Variants in ARHGAP11A observed in about 807,000 individuals in gnomAD.
ARHGAP11A encodes the protein Rho GTPase activating protein 11A, also known as rho GTPase-activating protein 11A.
ARHGAP11A carries 36 observed loss-of-function variants against 60.5 expected under a neutral mutation model. That is an observed-to-expected ratio of 0.59 (90% CI 0.46 to 0.79). ARHGAP11A has a LOEUF of 0.79. Ranked by LOEUF, ARHGAP11A falls within the 30% of genes least tolerant of loss-of-function variation. The pLI is 0.00. For missense variants in ARHGAP11A, 1,071 were observed against 1,199.2 expected, an observed-to-expected ratio of 0.89 and a Z score of 1.58; for synonymous variants, 362 against 415.5, an observed-to-expected ratio of 0.87 and a Z score of 1.57.
In ARHGAP11A at chr15:32,615,832, T is replaced by C. The variant is rs2053124331; in HGVS notation, c.-380T>C. On this transcript the variant is annotated 5_prime_UTR_variant, in exon 1 of 12. Coordinates refer to ENST00000361627, the MANE Select transcript of ARHGAP11A (RefSeq NM_014783.6). Reference sequence around the variant, plus strand: ...CGAACCAGACGGGGACAGTAAGGTTTGGAGGAAGGGGGATCGTTGGAAGTA... The same window carrying C: ...CGAACCAGACGGGGACAGTAAGGTTCGGAGGAAGGGGGATCGTTGGAAGTA... 1 of 225,890 alleles carries C rather than the reference T, an allele frequency of 4.4e-6. No individual in the cohort carries two copies. Among genetic ancestry groups the C allele is most frequent in the African/African-American group, 2.3e-5 (1 of 44,182 alleles). The allele number at this position is 225,890 out of a possible 1,614,324, so 14.0% of individuals were successfully genotyped here. A position where few individuals can be genotyped will look rare whatever the true frequency, so the allele number is the denominator to read the frequency against.
chr15:32,628,130 A>T (rs2053508306), intron 6 of ARHGAP11A, among the ~76,000 whole-genome samples: 1 of 152,224 alleles, frequency 6.6e-6, no homozygotes, highest in South Asian at 2.1e-4. Flanking sequence ...TTTTAAATGT[A>T]TAACTCTACT....
At chr15:32,618,639 T>C (rs973879874) in intron 1 of ARHGAP11A, among the ~76,000 whole-genome samples, 2 of 152,088 alleles carry the variant, frequency 1.3e-5, no homozygotes, top group African/African-American at 4.8e-5. Flanking sequence ...AGTTAAGATG[T>C]AAAGCCTGGC....
intron 2 of ARHGAP11A, among the ~76,000 whole-genome samples, chr15:32,621,494 T>C (rs2053305200): frequency 6.6e-6 from 1 of 152,246 alleles, no homozygotes; most frequent in Non-Finnish European, 1.5e-5. Flanking sequence ...TGGCCTATTC[T>C]AACTGCATCA....
chr15:32,627,455 C>T (rs187988475), intron 6 of ARHGAP11A, among the ~76,000 whole-genome samples: 1,514 of 150,780 alleles, frequency 0.01, 14 homozygotes, highest in Middle Eastern at 0.017. Context: ...CTTGGCCGGG[C>T]GCGATGGCTC....
chr15:32,617,442 CT>C (rs2053179574), intron 1 of ARHGAP11A, among the ~76,000 whole-genome samples: 3 of 142,436 alleles, frequency 2.1e-5, no homozygotes, highest in Admixed American at 1.4e-4. Context: ...TGTATATGGA[CT>C]TTTTTTCACC....
intron 9 of ARHGAP11A, among the ~76,000 whole-genome samples, chr15:32,633,729 C>A (rs76055181): frequency 6.6e-6 from 1 of 152,306 alleles, no homozygotes; most frequent in Non-Finnish European, 1.5e-5. Flanking sequence ...GACTGACTAA[C>A]TTTTAAGATT....
chr15:32,616,862 G>A (rs1446033498), intron 1 of ARHGAP11A, among the ~76,000 whole-genome samples: 1 of 152,200 alleles, frequency 6.6e-6, no homozygotes, highest in African/African-American at 2.4e-5. Context: ...GAAGAAGTAT[G>A]ACAGAACATT....
At position 32,633,084 on chromosome 15, in the gene ARHGAP11A, G is replaced by T. The variant is rs777326303; in HGVS notation, c.1211G>T (p.Arg404Ile). 9 of 1,613,868 alleles carry T rather than the reference G, an allele frequency of 5.6e-6. No homozygotes were observed. The highest frequency in any genetic ancestry group is 7.6e-6 in the Non-Finnish European group (9 of 1,179,948). Residue 404 changes from arginine to isoleucine, a missense_variant, in exon 9 of 12, where the codon AGA (arginine) becomes ATA (isoleucine). This residue lies in a region of ARHGAP11A where 776 missense variants were observed against 760.2 expected (regional missense o/e 1.02). Transcript: ENST00000361627. Reference sequence around the variant, plus strand: ...GCAGGTGTGCCAAGGCGAAGTAAAAGAATTGCAGGCAAAAAAGTTTGCAGG... The same window carrying T: ...GCAGGTGTGCCAAGGCGAAGTAAAATAATTGCAGGCAAAAAAGTTTGCAGG... ...ITAGVPRRSK[R>I]IAGKKVCRVE...
intron 8 of ARHGAP11A, among the ~76,000 whole-genome samples, chr15:32,629,975 T>TGTGTGTG (rs59288058): frequency 1.9e-4 from 24 of 128,950 alleles, no homozygotes; most frequent in East Asian, 4.3e-4. Context: ...TGTGTGTGTG[T>TGTGTGTG]TATGACAACA....
rs535517859 is a variant in ARHGAP11A at position 32,635,983 on chromosome 15, A to C, written c.1483+68A>C. The stretch of plus-strand genomic sequence containing the variant: ...GCTTTAGTTGCTTTTTTAATGGCAA[A>C]ACATATTAATTAATTTACTGTTCTA... On this transcript the variant is annotated intron_variant, in intron 11 of 11. Coordinates refer to ENST00000361627, the MANE Select transcript of ARHGAP11A (RefSeq NM_014783.6). 2.3e-5 allele frequency: 35 copies of C among 1,503,126 alleles called. 1 individual carries two copies. Among genetic ancestry groups the C allele is most frequent in the Non-Finnish European group, 3.0e-5 (34 of 1,126,972 alleles). The allele number at this position is 1,503,126 out of a possible 1,614,324, so 93.1% of individuals were successfully genotyped here.
intron 3 of ARHGAP11A, 134 bp from the exon 4 acceptor site, chr15:32,624,039 T>C: frequency 1.6e-6 from 1 of 610,518 alleles, no homozygotes; most frequent in Admixed American, 3.0e-5. Flanking sequence ...AAAAATAAAG[T>C]AGTGACATAT....
At chr15:32,628,170 A>C (rs1322313289) in intron 6 of ARHGAP11A, among the ~76,000 whole-genome samples, 5 of 152,290 alleles carry the variant, frequency 3.3e-5, no homozygotes, top group Admixed American at 6.5e-5. Context: ...CCCTTCAGAA[A>C]TTTTAATTGG....
rs1420163639 is a variant in ARHGAP11A, at chr15:32,636,523, C to G, written c.1750C>G (p.Leu584Val). 3 of 1,613,948 alleles carry G rather than the reference C, an allele frequency of 1.9e-6. No individual in the cohort carries two copies. The highest frequency in any genetic ancestry group is 1.7e-6 in the Non-Finnish European group (2 of 1,179,990). ...KHNSNITSSP[L>V]SGDENNMTKE... ...TAATAGCAACATAACAAGTAGCCCT[C>G]TTAGCGGGGATGAAAATAACATGAC... is the stretch of plus-strand genomic sequence containing the variant. Residue 584 changes from leucine to valine, a missense_variant, in exon 12 of 12, where the codon CTT (leucine) becomes GTT (valine). Transcript: ENST00000361627.
chr15:32,636,865 G>A lies in ARHGAP11A; in HGVS notation c.2092G>A (p.Glu698Lys). 1 of 1,612,544 alleles carries A rather than the reference G, an allele frequency of 6.2e-7. No individual in the cohort carries two copies. The highest frequency in any genetic ancestry group is 8.5e-7 in the Non-Finnish European group (1 of 1,179,662). Reference protein sequence around the residue: ...IKCYSTQMKMEHEKDIHSNMP... With the variant: ...IKCYSTQMKMKHEKDIHSNMP... ...ATGTTATTCAACTCAGATGAAGATG[G>A]AACATGAAAAAGACATTCATTCAAA... The change falls in exon 12 of 12, where the codon GAA becomes AAA. Residue 698 changes from glutamate to lysine, a missense_variant. Physicochemically the swap from Glu to Lys is moderately conservative, Grantham distance 56. This residue lies in a region of ARHGAP11A where 776 missense variants were observed against 760.2 expected (regional missense o/e 1.02). Coordinates refer to ENST00000361627, the MANE Select transcript of ARHGAP11A (RefSeq NM_014783.6).
At chr15:32,626,659 G>T (rs865994700) in intron 6 of ARHGAP11A, among the ~76,000 whole-genome samples, 3 of 152,248 alleles carry the variant, frequency 2.0e-5, no homozygotes, top group South Asian at 2.1e-4. Flanking sequence ...ACAGAAATTT[G>T]TCTCACCGTT....
At chr15:32,625,007 A>G in intron 4 of ARHGAP11A, 73 bp from the exon 5 acceptor site, 1 of 1,517,546 alleles carries the variant, frequency 6.6e-7, no homozygotes, top group South Asian at 1.2e-5. Context: ...TTCAAAATGT[A>G]CTACATACGT....
Position 32,621,556 on chromosome 15 carries a change from G to A in ARHGAP11A, c.200+1378G>A, listed in dbSNP as rs545147392. Among the ~76,000 whole-genome samples the A allele has an allele frequency of 1.4e-4, 21 of 152,340 alleles. No individual in the cohort carries two copies. In the East Asian group the frequency reaches 3.3e-3, roughly 24 times the overall value. The stretch of plus-strand genomic sequence containing the variant: ...AAGAATATAATTTAGCCGGGCGCCG[G>A]GGCTCACGCCTGTAATCCCAGCACT... On this transcript the variant is annotated intron_variant, in intron 2 of 11. Transcript: ENST00000361627.
intron 1 of ARHGAP11A, 115 bp downstream of exon 1, chr15:32,616,455 G>T (rs932393356): frequency 6.8e-7 from 1 of 1,474,126 alleles, no homozygotes; most frequent in African/African-American, 1.4e-5. Context: ...ATGGTTAGGT[G>T]TGTAATTCAG....
chr15:32,637,173 A>G lies in ARHGAP11A; in HGVS notation c.2400A>G (p.Gln800=). Residue 800 remains glutamine, a synonymous_variant, in exon 12 of 12, where the codon CAA becomes CAG. Transcript: ENST00000361627. ...AGAAAACAGTTTCTGAAAGTTCACA[A>G]ATGACAGAACATAGAAAGGTTTCTG... is the stretch of plus-strand genomic sequence containing the variant. ...TCEKTVSESS[Q]MTEHRKVSDH... The G allele has an allele frequency of 6.2e-7, 1 of 1,614,196 alleles. No homozygotes were observed. The highest frequency in any genetic ancestry group is 8.5e-7 in the Non-Finnish European group (1 of 1,180,038).
Sources: gnomAD v4.1 joint callset for allele counts (sites outside exome capture counted in the v4.1 genomes callset) on GRCh38, gnomAD v4.1.1 for gene constraint, gnomAD v4.1.1 regional missense constraint, MANE v1.5 for transcripts, NCBI Gene and HGNC (gene_info 2026-07-23, HGNC 2026-07-21) for gene names.